Variants in UNC5D observed in about 807,000 individuals in gnomAD.
UNC5D encodes unc-5 netrin receptor D, also known as netrin receptor UNC5D.
In UNC5D, 39 loss-of-function variants were observed where a neutral mutation model predicts 105.4. The ratio of observed to expected loss-of-function variants is 0.37; its 90% CI spans 0.29 to 0.48. The LOEUF (loss-of-function observed/expected upper bound fraction) is 0.48. UNC5D is among the 20% of genes least tolerant of loss of function. UNC5D has a pLI of 0.98. For synonymous variants in UNC5D, 452 were observed against 450.4 expected, an observed-to-expected ratio of 1.00 and a Z score of -0.04; for missense variants, 991 against 1,202.4, an observed-to-expected ratio of 0.82 and a Z score of 2.60.
intron 1 of UNC5D, among the ~76,000 whole-genome samples, chr8:35,396,253 C>T (rs972688723): frequency 1.3e-5 from 2 of 151,964 alleles, no homozygotes; most frequent in South Asian, 2.1e-4. Context: ...TAGGACTCAG[C>T]GTATGGTTGT....
intron 8 of UNC5D, among the ~76,000 whole-genome samples, chr8:35,708,993 T>C (rs943662633): frequency 1.3e-5 from 2 of 152,048 alleles, no homozygotes; most frequent in African/African-American, 4.8e-5. Context: ...TTGGAGAGCC[T>C]CCTAGAGCCC....
At chr8:35,716,225 G>A (rs1828242211) in intron 8 of UNC5D, among the ~76,000 whole-genome samples, 1 of 152,140 alleles carries the variant, frequency 6.6e-6, no homozygotes, top group Non-Finnish European at 1.5e-5. Flanking sequence ...TAACTTACTT[G>A]ACAATGCGTC....
At chr8:35,573,094 C>T (rs942407426) in intron 3 of UNC5D, among the ~76,000 whole-genome samples, 3 of 152,268 alleles carry the variant, frequency 2.0e-5, no homozygotes, top group Admixed American at 6.5e-5. Flanking sequence ...TGAGCCACCG[C>T]GCCTAGCGCA....
chr8:35,260,195 C>G (rs1486623955), intron 1 of UNC5D, among the ~76,000 whole-genome samples: 2 of 152,118 alleles, frequency 1.3e-5, no homozygotes. Context: ...GTTCACCTGT[C>G]AGGTGAGAAA....
intron 2 of UNC5D, among the ~76,000 whole-genome samples, chr8:35,550,744 A>G (rs1389489512): frequency 6.6e-6 from 1 of 152,210 alleles, no homozygotes; most frequent in East Asian, 1.9e-4. Flanking sequence ...CTTAAATCAC[A>G]TCTAACTAGG....
intron 1 of UNC5D, among the ~76,000 whole-genome samples, chr8:35,283,134 AAG>A: frequency 6.6e-6 from 1 of 152,312 alleles, no homozygotes; most frequent in Admixed American, 6.5e-5. Flanking sequence ...GGTAGAGAAA[AAG>A]AAAATTAAAG....
At chr8:35,504,093 C>T (rs905519170) in intron 1 of UNC5D, among the ~76,000 whole-genome samples, 2 of 152,132 alleles carry the variant, frequency 1.3e-5, no homozygotes, top group South Asian at 2.1e-4. Context: ...GTATTCTATG[C>T]AGGAGAAAGT....
intron 1 of UNC5D, among the ~76,000 whole-genome samples, chr8:35,542,072 T>G (rs1383562438): frequency 2.6e-5 from 4 of 152,186 alleles, no homozygotes; most frequent in Admixed American, 2.6e-4. Flanking sequence ...ACAGGTGAGG[T>G]GAATGATGCA....
At chr8:35,556,065 C>T (rs571819827) in intron 2 of UNC5D, among the ~76,000 whole-genome samples, 10 of 152,066 alleles carry the variant, frequency 6.6e-5, no homozygotes, top group African/African-American at 1.9e-4. Flanking sequence ...TTGGTTCCTC[C>T]GTGTGTAAAA....
chr8:35,382,234 G>A (rs755994309), intron 1 of UNC5D, among the ~76,000 whole-genome samples: 3 of 152,188 alleles, frequency 2.0e-5, no homozygotes, highest in Non-Finnish European at 4.4e-5. Context: ...GCATCTAGAC[G>A]GCTGGAGTTT....
At chr8:35,356,397 G>C (rs201699290) in intron 1 of UNC5D, among the ~76,000 whole-genome samples, 1 of 152,002 alleles carries the variant, frequency 6.6e-6, no homozygotes. Flanking sequence ...ATCCAACTGG[G>C]TAGTACTGAA....
chr8:35,452,389 T>C (rs1808213559), intron 1 of UNC5D, among the ~76,000 whole-genome samples: 1 of 152,096 alleles, frequency 6.6e-6, no homozygotes, highest in African/African-American at 2.4e-5. Context: ...CTCAGCCTCC[T>C]GAGTGGCTGG....
intron 4 of UNC5D, among the ~76,000 whole-genome samples, chr8:35,676,518 A>G (rs1825233960): frequency 6.6e-6 from 1 of 152,228 alleles, no homozygotes; most frequent in African/African-American, 2.4e-5. Context: ...TGGTCAATTT[A>G]TTGATCCCAT....
At chr8:35,514,894 C>T (rs1813012136) in intron 1 of UNC5D, among the ~76,000 whole-genome samples, 1 of 152,162 alleles carries the variant, frequency 6.6e-6, no homozygotes, top group Non-Finnish European at 1.5e-5. Flanking sequence ...AACAATTTTC[C>T]ACCTGTCGCC....
chr8:35,642,505 A>G (rs1421297989), intron 4 of UNC5D, among the ~76,000 whole-genome samples: 2 of 141,776 alleles, frequency 1.4e-5, no homozygotes, highest in Non-Finnish European at 3.0e-5. Flanking sequence ...AACCATAGTC[A>G]TATATCTAAG....
At chr8:35,409,396 T>C (rs188382818) in intron 1 of UNC5D, among the ~76,000 whole-genome samples, 1 of 151,150 alleles carries the variant, frequency 6.6e-6, no homozygotes, top group East Asian at 1.9e-4. Flanking sequence ...CTTGGTGTTG[T>C]CAGCTTTTGC....
intron 1 of UNC5D, among the ~76,000 whole-genome samples, chr8:35,419,216 T>C (rs1021742386): frequency 6.6e-6 from 1 of 152,230 alleles, no homozygotes; most frequent in African/African-American, 2.4e-5. Flanking sequence ...TGAATCTTTG[T>C]GACCAGCTAA....
intron 1 of UNC5D, among the ~76,000 whole-genome samples, chr8:35,334,234 G>C (rs934753665): frequency 6.6e-6 from 1 of 152,076 alleles, no homozygotes; most frequent in Admixed American, 6.5e-5. Flanking sequence ...CAGAAGTAGC[G>C]TCAGTGAAAA....
chr8:35,695,608 T>A (rs1042693205), intron 7 of UNC5D, among the ~76,000 whole-genome samples: 1 of 152,064 alleles, frequency 6.6e-6, no homozygotes, highest in African/African-American at 2.4e-5. Context: ...GAACCACAGG[T>A]GAGAAAAGCA....
Sources: allele counts gnomAD v4.1 joint callset (sites outside exome capture counted in the v4.1 genomes callset), GRCh38; gene constraint gnomAD v4.1.1; transcripts MANE v1.5; gene names NCBI Gene and HGNC (gene_info 2026-07-23, HGNC 2026-07-21).